The following EIF3M variants were observed in gnomAD, a reference collection of about 807,000 sequenced individuals.
The protein encoded by EIF3M is eukaryotic translation initiation factor 3 subunit M.
EIF3M carries 25 observed loss-of-function variants against 49.7 expected under a neutral mutation model. The ratio of observed to expected loss-of-function variants is 0.50; its 90% CI spans 0.37 to 0.70. EIF3M has a LOEUF of 0.70. Ranked by LOEUF, EIF3M falls within the 30% of genes least tolerant of loss-of-function variation. The probability of loss-of-function intolerance (pLI) is 0.00; values close to 1 mark genes in which losing one functional copy is unlikely to be tolerated. For missense variants in EIF3M, 350 were observed against 440.0 expected, an observed-to-expected ratio of 0.80 and a Z score of 1.83; for synonymous variants, 156 against 149.8, an observed-to-expected ratio of 1.04 and a Z score of -0.30.
Position 32,605,432 on chromosome 11 carries a change from CATT to C in EIF3M, c.*3035_*3037del, listed in dbSNP as rs1056057008. 1 of 152,144 alleles carries C rather than the reference CATT, an allele frequency of 6.6e-6. No homozygotes were observed. The highest frequency in any genetic ancestry group is 1.5e-5 in the Non-Finnish European group (1 of 68,024). 9.4% of individuals were successfully genotyped at this position (152,144 alleles called of 1,614,324 possible). A position where few individuals can be genotyped will look rare whatever the true frequency, so the allele number is the denominator to read the frequency against. Reference sequence around the variant, plus strand: ...TAATTTTTCTGGGCTTCAGTTTACTCATTAGCTTCTTTTAGTTCCCAGATGCTA... The same window carrying C: ...TAATTTTTCTGGGCTTCAGTTTACTCAGCTTCTTTTAGTTCCCAGATGCTA... On this transcript the variant is annotated 3_prime_UTR_variant, in exon 11 of 11. Coordinates refer to ENST00000531120, the MANE Select transcript of EIF3M (RefSeq NM_006360.6).
In EIF3M at chr11:32,602,798, G is replaced by T; in HGVS notation, c.*399G>T. ...CAGTTACATAATTTCACTACTGAAA[G>T]CACTTATCTACATTATTTTAATCTG... On this transcript the variant is annotated 3_prime_UTR_variant, in exon 11 of 11. Transcript: ENST00000531120. 1 of 1,512,414 alleles carries T rather than the reference G, an allele frequency of 6.6e-7. No homozygotes were observed. The highest frequency in any genetic ancestry group is 9.0e-7 in the Non-Finnish European group (1 of 1,114,920). 93.7% of individuals were successfully genotyped at this position (1,512,414 alleles called of 1,614,324 possible).
At chr11:32,587,656 A>C (rs1855021805) in intron 2 of EIF3M, among the ~76,000 whole-genome samples, 1 of 152,230 alleles carries the variant, frequency 6.6e-6, no homozygotes, top group Admixed American at 6.5e-5. Flanking sequence ...AAATGAAAAA[A>C]ATGAAGCTCT....
intron 9 of EIF3M, chr11:32,601,063 A>G: frequency 2.8e-6 from 1 of 351,908 alleles, no homozygotes; most frequent in East Asian, 5.3e-5. Flanking sequence ...TTTAGGCAAT[A>G]CACCACTGTG....
In EIF3M at chr11:32,600,848, C is replaced by T. The variant is rs771405773; in HGVS notation, c.943+16C>T. On this transcript the variant is annotated intron_variant, in intron 9 of 10. Coordinates refer to ENST00000531120, the MANE Select transcript of EIF3M (RefSeq NM_006360.6). ...GTTATTGACGGTAAGGCAGACAGAACATTTTCATTTATTTCTAGAATTTCT... is the reference window on the plus strand; with the variant it reads ...GTTATTGACGGTAAGGCAGACAGAATATTTTCATTTATTTCTAGAATTTCT... 8.6e-5 allele frequency: 136 copies of T among 1,575,602 alleles called. No homozygotes were observed. The highest frequency in any genetic ancestry group is 1.1e-4 in the Non-Finnish European group (132 of 1,164,150).
rs768757019 is a variant in EIF3M at position 32,604,892 on chromosome 11, G to C, written c.*2493G>C. The C allele has an allele frequency of 6.6e-6, 1 of 151,904 alleles. No individual in the cohort carries two copies. The highest frequency in any genetic ancestry group is 1.5e-5 in the Non-Finnish European group (1 of 67,988). The allele number at this position is 151,904 out of a possible 1,614,324, so 9.4% of individuals were successfully genotyped here. A position where few individuals can be genotyped will look rare whatever the true frequency, so the allele number is the denominator to read the frequency against. On this transcript the variant is annotated 3_prime_UTR_variant, in exon 11 of 11. Transcript: ENST00000531120. ...TTTTGAGACAGAGTCTTGCACTGTC[G>C]CCCAGGCTGGAGTGCAGTGGCGCCA...
chr11:32,596,770 T>C (rs1050372074), intron 8 of EIF3M, among the ~76,000 whole-genome samples: 4 of 151,916 alleles, frequency 2.6e-5, no homozygotes, highest in African/African-American at 4.8e-5. Flanking sequence ...GTGGGCATGG[T>C]GGCACATACC....
At chr11:32,601,501 T>TA (rs60498109) in intron 9 of EIF3M, 10,295 of 216,234 alleles carry the variant, frequency 0.048, 269 homozygotes, top group Non-Finnish European at 0.058. Flanking sequence ...TAGCATTCTT[T>TA]AAAAAAAAAA....
rs751664600 is a variant in EIF3M at position 32,589,598 on chromosome 11, CT to C, written c.494del (p.Leu165Ter). 1 of 1,614,120 alleles carries C rather than the reference CT, an allele frequency of 6.2e-7. No homozygotes were observed. Among genetic ancestry groups the C allele is most frequent in the East Asian group, 2.2e-5 (1 of 44,872 alleles). On this transcript the variant is annotated frameshift_variant, in exon 5 of 11. Coordinates refer to ENST00000531120, the MANE Select transcript of EIF3M (RefSeq NM_006360.6). LOFTEE classifies it high-confidence loss of function. ...WNLTTEKKHT[L>X]LRLLYEALVD... Reference sequence around the variant, plus strand: ...TCTCACCACTGAAAAAAAGCACACCCTTTTAAGACTACTTTATGAGGCACTT... The same window carrying C: ...TCTCACCACTGAAAAAAAGCACACCCTTTAAGACTACTTTATGAGGCACTT...
At chr11:32,591,850 G>GC (rs1274867113) in intron 5 of EIF3M, 2 of 240,304 alleles carry the variant, frequency 8.3e-6, no homozygotes, top group African/African-American at 4.6e-5. Context: ...CACCAAAACT[G>GC]CCCCCTTTCA....
rs1021944592 is a variant in EIF3M, at chr11:32,601,993, T to C, written c.1004+171T>C. On this transcript the variant is annotated intron_variant, in intron 10 of 10. Coordinates refer to ENST00000531120, the MANE Select transcript of EIF3M (RefSeq NM_006360.6). ...GACTGAATGTGATTAGCTTATTTAA[T>C]GAAAGAGTCCTATTTTCCAGCACAT... 11 of 856,870 alleles carry C rather than the reference T, an allele frequency of 1.3e-5. No homozygotes were observed. In the South Asian group the frequency reaches 1.3e-4, roughly 10 times the overall value. 53.1% of individuals were successfully genotyped at this position (856,870 alleles called of 1,614,324 possible).
At position 32,588,616 on chromosome 11, in the gene EIF3M, T is replaced by C; in HGVS notation, c.198T>C (p.Ser66=). 1 of 1,614,064 alleles carries C rather than the reference T, an allele frequency of 6.2e-7. No individual in the cohort carries two copies. The highest frequency in any genetic ancestry group is 8.5e-7 in the Non-Finnish European group (1 of 1,180,014). Residue 66 remains serine, a synonymous_variant, in exon 3 of 11, where the codon AGT becomes AGC. Coordinates refer to ENST00000531120, the MANE Select transcript of EIF3M (RefSeq NM_006360.6). ...DDKDVESVMN[S]VVSLLLILEP... ...TAGATGTTGAAAGTGTGATGAACAG[T>C]GTGGTATCCCTACTCTTGATCCTGG...
chr11:32,587,440 A>G (rs1185990380), intron 2 of EIF3M, among the ~76,000 whole-genome samples: 1 of 152,216 alleles, frequency 6.6e-6, no homozygotes, highest in Non-Finnish European at 1.5e-5. Flanking sequence ...GAAACATTCA[A>G]CAGTTCTCTT....
chr11:32,595,114 G>A (rs1855160206), intron 7 of EIF3M, 101 bp downstream of exon 7: 4 of 958,866 alleles, frequency 4.2e-6, no homozygotes, highest in Non-Finnish European at 6.3e-6. Flanking sequence ...GTGACTAATG[G>A]CAAGATATGG....
At chr11:32,597,931 A>AT (rs1417345819) in intron 8 of EIF3M, among the ~76,000 whole-genome samples, 1 of 152,092 alleles carries the variant, frequency 6.6e-6, no homozygotes. Context: ...GTCACCTGTA[A>AT]ATTGTGTGCC....
At chr11:32,594,118 A>T in intron 6 of EIF3M, 169 bp downstream of exon 6, 1 of 411,870 alleles carries the variant, frequency 2.4e-6, no homozygotes, top group Non-Finnish European at 4.2e-6. Flanking sequence ...AAGGTTTGAT[A>T]TTGGAAGAAC....
At chr11:32,601,162 G>T (rs188192599) in intron 9 of EIF3M, 6 of 175,450 alleles carry the variant, frequency 3.4e-5, no homozygotes, top group Admixed American at 2.5e-4. Flanking sequence ...ATTTGTGGTT[G>T]TAAGAATTAA....
rs1223226483 is a variant in EIF3M, at chr11:32,583,855, G to T, written c.-33G>T. On this transcript the variant is annotated 5_prime_UTR_variant, in exon 1 of 11. Coordinates refer to ENST00000531120, the MANE Select transcript of EIF3M (RefSeq NM_006360.6). ...CCTTTTCCGGTCGGCGTGGTCTTGC[G>T]AGTGGAGTGTCCGCTGTGCCCGGGC... is the stretch of plus-strand genomic sequence containing the variant. 2 of 1,610,036 alleles carry T rather than the reference G, an allele frequency of 1.2e-6. No homozygotes were observed. The highest frequency in any genetic ancestry group is 1.7e-5 in the Admixed American group (1 of 59,832).
At chr11:32,589,343 ATGT>A (rs776705413) in intron 4 of EIF3M, among the ~76,000 whole-genome samples, 23 of 151,698 alleles carry the variant, frequency 1.5e-4, no homozygotes, top group Non-Finnish European at 2.6e-4. Context: ...CGCCCGGCTA[ATGT>A]TGTATTTTTA....
intron 1 of EIF3M, among the ~76,000 whole-genome samples, chr11:32,586,441 A>G (rs571858745): frequency 1.3e-5 from 2 of 152,342 alleles, no homozygotes; most frequent in South Asian, 2.1e-4. Flanking sequence ...GATTAGTTAC[A>G]TAACAGATCC....
Sources: allele counts gnomAD v4.1 joint callset (sites outside exome capture counted in the v4.1 genomes callset), GRCh38; gene constraint gnomAD v4.1.1; transcripts MANE v1.5; gene names NCBI Gene and HGNC (gene_info 2026-07-23, HGNC 2026-07-21).